The following LRP1B variants were observed in gnomAD, a reference collection of about 807,000 sequenced individuals.
LRP1B encodes the protein low-density lipoprotein receptor-related protein 1B.
In LRP1B, 217 loss-of-function variants were observed where a neutral mutation model predicts 556.6. The observed-to-expected ratio is 0.39, with a 90% CI of 0.35 to 0.44. LRP1B has a LOEUF of 0.44. Ranked by LOEUF, LRP1B falls within the 20% of genes least tolerant of loss-of-function variation. The pLI is 1.00. For missense variants in LRP1B, 5,053 were observed against 5,620.8 expected, an observed-to-expected ratio of 0.90 and a Z score of 3.23; for synonymous variants, 2,047 against 1,865.8, an observed-to-expected ratio of 1.10 and a Z score of -2.50.
At chr2:140,908,218 C>T (rs1694311679) in intron 21 of LRP1B, 141 bp from the exon 22 acceptor site, 1 of 648,768 alleles carries the variant, frequency 1.5e-6, no homozygotes, top group East Asian at 2.7e-5. Flanking sequence ...TATTATTTGA[C>T]AGTTTATTTT....
intron 1 of LRP1B, among the ~76,000 whole-genome samples, chr2:142,013,805 C>A (rs1459716559): frequency 1.3e-5 from 2 of 152,140 alleles, no homozygotes; most frequent in Admixed American, 1.3e-4. Flanking sequence ...ACCAAAGTAA[C>A]TCCATCTTGA....
intron 7 of LRP1B, among the ~76,000 whole-genome samples, chr2:141,074,612 T>TA (rs913673198): frequency 5.9e-5 from 7 of 118,840 alleles, no homozygotes; most frequent in African/African-American, 1.5e-4. Flanking sequence ...TATATGTTTT[T>TA]TATATATATA....
rs569358709 is a variant in LRP1B, at chr2:140,622,500, G to A, written c.6800-20861C>T. On this transcript the variant is annotated intron_variant, in intron 41 of 90. Transcript: ENST00000389484. The stretch of plus-strand genomic sequence containing the variant: ...TGTCAGTCGGTTTGTATAATGTTAT[G>A]GTAATAGATAACAGGTGGTCAGTAT... Among the ~76,000 whole-genome samples, 19 of 152,238 alleles carry A rather than the reference G, an allele frequency of 1.2e-4. No individual in the cohort carries two copies. The South Asian group carries it at 3.5e-3, about 28-fold the overall frequency.
intron 7 of LRP1B, among the ~76,000 whole-genome samples, chr2:141,175,825 T>C (rs1162280657): frequency 6.6e-6 from 1 of 152,018 alleles, no homozygotes; most frequent in Non-Finnish European, 1.5e-5. Context: ...CAACAACCCA[T>C]GAAAGCAACT....
intron 2 of LRP1B, among the ~76,000 whole-genome samples, chr2:141,771,508 C>T (rs972161188): frequency 6.6e-6 from 1 of 152,104 alleles, no homozygotes; most frequent in African/African-American, 2.4e-5. Flanking sequence ...AGACAGTGAA[C>T]TAAAATTGCA....
intron 1 of LRP1B, among the ~76,000 whole-genome samples, chr2:141,882,926 T>C (rs146882457): frequency 6.6e-6 from 1 of 152,218 alleles, no homozygotes; most frequent in Non-Finnish European, 1.5e-5. Context: ...GAAGTTTGAG[T>C]GACAAAGGTG....
chr2:141,285,445 A>ATTT (rs749012582), intron 3 of LRP1B, among the ~76,000 whole-genome samples: 1 of 132,170 alleles, frequency 7.6e-6, no homozygotes, highest in African/African-American at 2.9e-5. Flanking sequence ...GGTGAGAATA[A>ATTT]TTTTTTTTTC....
intron 3 of LRP1B, among the ~76,000 whole-genome samples, chr2:141,455,360 A>G (rs6712281): frequency 0.87 from 133,025 of 152,074 alleles, 58,379 homozygotes; most frequent in East Asian, 1. Flanking sequence ...AATGCATCAC[A>G]CCCAGAGGGC....
At chr2:141,784,273 C>T (rs533978850) in intron 2 of LRP1B, among the ~76,000 whole-genome samples, 2 of 151,926 alleles carry the variant, frequency 1.3e-5, no homozygotes, top group South Asian at 2.1e-4. Flanking sequence ...ATGGGCAAGA[C>T]ATTTAGTATT....
chr2:141,217,052 G>A (rs1682844302), intron 6 of LRP1B, among the ~76,000 whole-genome samples: 1 of 152,134 alleles, frequency 6.6e-6, no homozygotes, highest in Non-Finnish European at 1.5e-5. Context: ...TGAGAAGAAC[G>A]TGAGATTTGA....
At position 140,541,862 on chromosome 2, in the gene LRP1B, G is replaced by C. The variant is rs149573054; in HGVS notation, c.7304C>G (p.Thr2435Arg). The change falls in exon 44 of 91, where the codon ACA (threonine) becomes AGA (arginine). Residue 2435 changes from threonine (T) to arginine (R), a missense_variant. Coordinates refer to ENST00000389484, the MANE Select transcript of LRP1B (RefSeq NM_018557.3). ...ACGAAGAATTTTTGTATCTCCTCCT[G>C]TGTACTTGTTGGACCGCAGTATAGC... ...RRAILRSNKY[T>R]GGDTKILRSD... is the part of the protein sequence containing the mutation. 6.2e-7 allele frequency: 1 copy of C among 1,612,772 alleles called. No homozygotes were observed. The highest frequency in any genetic ancestry group is 8.5e-7 in the Non-Finnish European group (1 of 1,179,150).
At chr2:140,563,986 G>T (rs918208998) in intron 43 of LRP1B, among the ~76,000 whole-genome samples, 1 of 152,116 alleles carries the variant, frequency 6.6e-6, no homozygotes, top group African/African-American at 2.4e-5. Context: ...GGGAGGGGTA[G>T]ACAGGGTAAC....
At chr2:140,490,905 A>T (rs1439818599) in intron 57 of LRP1B, among the ~76,000 whole-genome samples, 1 of 152,128 alleles carries the variant, frequency 6.6e-6, no homozygotes. Flanking sequence ...TCCCATATGT[A>T]CTGCACTAAG....
intron 66 of LRP1B, among the ~76,000 whole-genome samples, chr2:140,387,096 C>T (rs1683791418): frequency 6.6e-6 from 1 of 152,112 alleles, no homozygotes; most frequent in Non-Finnish European, 1.5e-5. Flanking sequence ...TAATACAATA[C>T]ACAATTTAGA....
At chr2:141,819,248 C>G in intron 1 of LRP1B, among the ~76,000 whole-genome samples, 1 of 131,926 alleles carries the variant, frequency 7.6e-6, no homozygotes, top group Admixed American at 7.4e-5. Context: ...AACAAACAAA[C>G]AAACAAACAA....
At chr2:141,449,202 C>T (rs146515218) in intron 3 of LRP1B, among the ~76,000 whole-genome samples, 117 of 152,220 alleles carry the variant, frequency 7.7e-4, no homozygotes, top group African/African-American at 2.6e-3. Flanking sequence ...GACTAATCTG[C>T]GCTATAAATC....
chr2:140,768,681 T>C (rs1248952564), intron 35 of LRP1B, among the ~76,000 whole-genome samples: 1 of 151,948 alleles, frequency 6.6e-6, no homozygotes, highest in East Asian at 1.9e-4. Flanking sequence ...TTCCTTTCAC[T>C]GTTTGCTAAA....
At chr2:140,831,312 T>C (rs890608809) in intron 31 of LRP1B, among the ~76,000 whole-genome samples, 1 of 152,048 alleles carries the variant, frequency 6.6e-6, no homozygotes, top group African/African-American at 2.4e-5. Flanking sequence ...CATGGTGCGA[T>C]ATAAAAACAG....
intron 20 of LRP1B, among the ~76,000 whole-genome samples, chr2:140,938,062 A>T (rs925612088): frequency 6.6e-6 from 1 of 151,976 alleles, no homozygotes; most frequent in Non-Finnish European, 1.5e-5. Flanking sequence ...ACAGGATGCA[A>T]TCAGCTCCTT....
Sources: allele counts gnomAD v4.1 joint callset (sites outside exome capture counted in the v4.1 genomes callset), GRCh38; gene constraint gnomAD v4.1.1; transcripts MANE v1.5; gene names NCBI Gene and HGNC (gene_info 2026-07-23, HGNC 2026-07-21).